Variants in ACKR1 observed in about 807,000 individuals in gnomAD.
The protein encoded by ACKR1 is atypical chemokine receptor 1.
In ACKR1, 3 loss-of-function variants were observed where a neutral mutation model predicts 2.5. That is an observed-to-expected ratio of 1.18 (90% CI 0.54 to 3.06). ACKR1 has a LOEUF of 3.06. Among genes scored for constraint, ACKR1 ranks in the 30% most tolerant of loss-of-function variants. The probability of loss-of-function intolerance (pLI) is 0.03; values close to 1 mark genes in which losing one functional copy is unlikely to be tolerated. For synonymous variants in ACKR1, 208 were observed against 178.2 expected (o/e 1.17, Z -1.33); for missense variants, 438 against 395.2 (o/e 1.11, Z -0.92).
chr1:159,205,870 C>G lies in ACKR1; in HGVS notation c.431C>G (p.Ala144Gly). Residue 144 changes from alanine (A) to glycine (G), a missense_variant, in exon 2 of 2, where the codon GCT becomes GGT. By Grantham distance (60) the Ala-to-Gly change is moderately conservative. Transcript: ENST00000368122. ...TGGTATGGCTCAGCCTTTGCCCAGGCTTTGCTGCTAGGGTGCCATGCCTCC... is the reference window on the plus strand; with the variant it reads ...TGGTATGGCTCAGCCTTTGCCCAGGGTTTGCTGCTAGGGTGCCATGCCTCC... Reference protein sequence around the residue: ...CVWYGSAFAQALLLGCHASLG... With the variant: ...CVWYGSAFAQGLLLGCHASLG... 6.2e-7 allele frequency: 1 copy of G among 1,614,082 alleles called. No homozygotes were observed. Among genetic ancestry groups the G allele is most frequent in the South Asian group, 1.1e-5 (1 of 91,080 alleles).
chr1:159,206,367 C>A lies in ACKR1; in HGVS notation c.928C>A (p.Gln310Lys). The change falls in exon 2 of 2, where the codon CAG becomes AAG. Residue 310 changes from glutamine (Q) to lysine (K), a missense_variant. By Grantham distance (53) the Gln-to-Lys change is moderately conservative (BLOSUM62 1). Transcript: ENST00000368122. ...TPLLLALFCH[Q>K]ATRTLLPSLP... The stretch of plus-strand genomic sequence containing the variant: ...CCTGCTCCTCGCCCTATTCTGCCAC[C>A]AGGCCACCCGCACCCTCTTGCCCTC... 6.2e-7 allele frequency: 1 copy of A among 1,614,252 alleles called. No individual in the cohort carries two copies. The highest frequency in any genetic ancestry group is 8.5e-7 in the Non-Finnish European group (1 of 1,180,044).
rs368447314 is a variant in ACKR1, at chr1:159,205,614, G to A, written c.175G>A (p.Asp59Asn). 21 of 1,614,132 alleles carry A rather than the reference G, an allele frequency of 1.3e-5. No homozygotes were observed. Among genetic ancestry groups the A allele is most frequent in the Non-Finnish European group, 1.6e-5 (19 of 1,180,044 alleles). ...CTGCCACTCCTGTAACCTGCTGGAT[G>A]ACTCTGCACTGCCCTTCTTCATCCT... ...APCHSCNLLD[D>N]SALPFFILTS... Residue 59 changes from aspartate (D) to asparagine (N), a missense_variant, in exon 2 of 2, where the codon GAC (aspartate) becomes AAC (asparagine). By Grantham distance (23) the Asp-to-Asn change is conservative (BLOSUM62 1). Coordinates refer to ENST00000368122, the MANE Select transcript of ACKR1 (RefSeq NM_002036.4).
chr1:159,205,701 T>G lies in ACKR1; in HGVS notation c.262T>G (p.Phe88Val), dbSNP rs1006484993. ...TVLFMLFRPL[F>V]RWQLCPGWPV... ...CCTCTTCATGCTTTTCAGACCTCTC[T>G]TCCGCTGGCAGCTCTGCCCTGGCTG... The change falls in exon 2 of 2, where the codon TTC becomes GTC. Residue 88 changes from phenylalanine (F) to valine (V), a missense_variant. Coordinates refer to ENST00000368122, the MANE Select transcript of ACKR1 (RefSeq NM_002036.4). 1.2e-6 allele frequency: 2 copies of G among 1,614,202 alleles called. No individual in the cohort carries two copies.
Position 159,206,271 on chromosome 1 carries a change from G to A in ACKR1, c.832G>A (p.Ala278Thr), listed in dbSNP as rs200531663. 2.0e-5 allele frequency: 32 copies of A among 1,614,210 alleles called. No individual in the cohort carries two copies. In the African/African-American group the frequency reaches 3.7e-4, roughly 19 times the overall value. The change falls in exon 2 of 2, where the codon GCC becomes ACC. Residue 278 changes from alanine to threonine, a missense_variant. Ala to Thr is a moderately conservative substitution (Grantham distance 58). Transcript: ENST00000368122. The part of the protein sequence containing the change: ...SKLLLLSTCL[A>T]QQALDLLLNL... Reference sequence around the variant, plus strand: ...GCTGTTGCTGTTGTCAACATGTCTGGCCCAGCAGGCTCTGGACCTGCTGCT... The same window carrying A: ...GCTGTTGCTGTTGTCAACATGTCTGACCCAGCAGGCTCTGGACCTGCTGCT...
chr1:159,206,421 C>A lies in ACKR1; in HGVS notation c.982C>A (p.His328Asn). ...GCCCCTCCCTGAAGGATGGTCTTCT[C>A]ATCTGGACACCCTTGGAAGCAAATC... ...SLPLPEGWSS[H>N]LDTLGSKS Residue 328 changes from histidine to asparagine, a missense_variant, in exon 2 of 2, where the codon CAT becomes AAT. By Grantham distance (68) the His-to-Asn change is moderately conservative (BLOSUM62 1). Coordinates refer to ENST00000368122, the MANE Select transcript of ACKR1 (RefSeq NM_002036.4). 6.2e-7 allele frequency: 1 copy of A among 1,613,814 alleles called. No individual in the cohort carries two copies. The highest frequency in any genetic ancestry group is 8.5e-7 in the Non-Finnish European group (1 of 1,179,780).
Position 159,205,867 on chromosome 1 carries a change from A to G in ACKR1, c.428A>G (p.Gln143Arg), listed in dbSNP as rs1351716473. The G allele has an allele frequency of 1.2e-6, 2 of 1,614,050 alleles. No homozygotes were observed. The highest frequency in any genetic ancestry group is 1.7e-6 in the Non-Finnish European group (2 of 1,180,002). Residue 143 changes from glutamine to arginine, a missense_variant, in exon 2 of 2, where the codon CAG (glutamine) becomes CGG (arginine). Gln to Arg is a conservative substitution (Grantham distance 43). Transcript: ENST00000368122. ...GTCTGGTATGGCTCAGCCTTTGCCC[A>G]GGCTTTGCTGCTAGGGTGCCATGCC... ...YCVWYGSAFAQALLLGCHASL... is the reference protein window; with the variant it reads ...YCVWYGSAFARALLLGCHASL...
chr1:159,205,902 C>A lies in ACKR1; in HGVS notation c.463C>A (p.His155Asn). The stretch of plus-strand genomic sequence containing the variant: ...GCTAGGGTGCCATGCCTCCCTGGGC[C>A]ACAGACTGGGTGCAGGCCAGGTCCC... ...LLLGCHASLG[H>N]RLGAGQVPGL... The change falls in exon 2 of 2, where the codon CAC becomes AAC. Residue 155 changes from histidine to asparagine, a missense_variant. Physicochemically the swap from His to Asn is moderately conservative, Grantham distance 68. Coordinates refer to ENST00000368122, the MANE Select transcript of ACKR1 (RefSeq NM_002036.4). 1.9e-6 allele frequency: 3 copies of A among 1,614,052 alleles called. No individual in the cohort carries two copies. The highest frequency in any genetic ancestry group is 2.5e-6 in the Non-Finnish European group (3 of 1,180,002).
intron 1 of ACKR1, 89 bp downstream of exon 1, chr1:159,205,069 T>G: frequency 6.9e-7 from 1 of 1,448,700 alleles, no homozygotes. Flanking sequence ...ATCTCTTCCT[T>G]TTCCTCCTCA....
Position 159,206,473 on chromosome 1 carries a change from G to A in ACKR1, c.*23G>A. ...TAGTTCTCTTCCCACCTGTCAACCTGAATTAAAGTCTACACTGCCTTTGTG... is the reference window on the plus strand; with the variant it reads ...TAGTTCTCTTCCCACCTGTCAACCTAAATTAAAGTCTACACTGCCTTTGTG... On this transcript the variant is annotated 3_prime_UTR_variant, in exon 2 of 2. Coordinates refer to ENST00000368122, the MANE Select transcript of ACKR1 (RefSeq NM_002036.4). 3.1e-6 allele frequency: 5 copies of A among 1,591,718 alleles called. No individual in the cohort carries two copies. The highest frequency in any genetic ancestry group is 4.3e-6 in the Non-Finnish European group (5 of 1,165,980).
chr1:159,205,027 A>C, intron 1 of ACKR1, 47 bp downstream of exon 1: 1 of 1,591,698 alleles, frequency 6.3e-7, no homozygotes, highest in Non-Finnish European at 8.6e-7. Context: ...TATGCCCCTC[A>C]TTTCCCCTGC....
intron 1 of ACKR1, 22 bp from the exon 2 acceptor site, chr1:159,205,439 C>T: frequency 6.3e-7 from 1 of 1,590,092 alleles, no homozygotes; most frequent in African/African-American, 1.3e-5. Flanking sequence ...CTCTGATGGC[C>T]TCCTCTGGGT....
In ACKR1 at chr1:159,206,348, C is replaced by T. The variant is rs1000192024; in HGVS notation, c.909C>T (p.Leu303=). 8 of 1,614,246 alleles carry T rather than the reference C, an allele frequency of 5.0e-6. No homozygotes were observed. Among genetic ancestry groups the T allele is most frequent in the East Asian group, 4.5e-5 (2 of 44,880 alleles). Residue 303 remains leucine, a synonymous_variant, in exon 2 of 2, where the codon CTC becomes CTT. Coordinates refer to ENST00000368122, the MANE Select transcript of ACKR1 (RefSeq NM_002036.4). ...TGCACTGTGTGGCTACGCCCCTGCTCCTCGCCCTATTCTGCCACCAGGCCA... is the reference window on the plus strand; with the variant it reads ...TGCACTGTGTGGCTACGCCCCTGCTTCTCGCCCTATTCTGCCACCAGGCCA... The part of the protein sequence containing the change: ...AILHCVATPL[L]LALFCHQATR...
At position 159,206,386 on chromosome 1, in the gene ACKR1, T is replaced by C; in HGVS notation, c.947T>C (p.Leu316Ser). 3 of 1,614,236 alleles carry C rather than the reference T, an allele frequency of 1.9e-6. No individual in the cohort carries two copies. The highest frequency in any genetic ancestry group is 2.5e-6 in the Non-Finnish European group (3 of 1,180,030). The change falls in exon 2 of 2, where the codon TTG becomes TCG. Residue 316 changes from leucine (L) to serine (S), a missense_variant. Coordinates refer to ENST00000368122, the MANE Select transcript of ACKR1 (RefSeq NM_002036.4). ...TGCCACCAGGCCACCCGCACCCTCT[T>C]GCCCTCTCTGCCCCTCCCTGAAGGA... ...LFCHQATRTL[L>S]PSLPLPEGWS...
rs775982266 is a variant in ACKR1, at chr1:159,206,099, G to T, written c.660G>T (p.Leu220Phe). 4 of 1,614,248 alleles carry T rather than the reference G, an allele frequency of 2.5e-6. No homozygotes were observed. Among genetic ancestry groups the T allele is most frequent in the Non-Finnish European group, 3.4e-6 (4 of 1,180,044 alleles). ...TAGCCTGTCTTGCCATCTTTGTCTT[G>T]TTGCCATTGGGTTTGTTTGGAGCCA... is the stretch of plus-strand genomic sequence containing the variant. ...HTVACLAIFV[L>F]LPLGLFGAKG... is the part of the protein sequence containing the mutation. Residue 220 changes from leucine (L) to phenylalanine (F), a missense_variant, in exon 2 of 2, where the codon TTG becomes TTT. Transcript: ENST00000368122.
chr1:159,205,113 T>C, intron 1 of ACKR1, 133 bp downstream of exon 1: 3 of 1,143,818 alleles, frequency 2.6e-6, no homozygotes, highest in Non-Finnish European at 3.7e-6. Flanking sequence ...TCCTCTTCCT[T>C]CAAAGTCTTT....
chr1:159,206,378 C>T lies in ACKR1; in HGVS notation c.939C>T (p.Arg313=), dbSNP rs748430757. 3.7e-6 allele frequency: 6 copies of T among 1,614,246 alleles called. No individual in the cohort carries two copies. Among genetic ancestry groups the T allele is most frequent in the Admixed American group, 3.3e-5 (2 of 60,030 alleles). The stretch of plus-strand genomic sequence containing the variant: ...CCCTATTCTGCCACCAGGCCACCCG[C>T]ACCCTCTTGCCCTCTCTGCCCCTCC... ...LLALFCHQAT[R]TLLPSLPLPE... is the part of the protein sequence containing the mutation. Residue 313 remains arginine, a synonymous_variant, in exon 2 of 2, where the codon CGC becomes CGT. Coordinates refer to ENST00000368122, the MANE Select transcript of ACKR1 (RefSeq NM_002036.4).
In ACKR1 at chr1:159,205,718, CCCTGGCTGGCCTGT is replaced by C. The variant is rs587776507; in HGVS notation, c.286_299del (p.Trp96ThrfsTer22). ...GACCTCTCTTCCGCTGGCAGCTCTG[CCCTGGCTGGCCTGT>C]CCTGGCACAGCTGGCTGTGGGCAGT... On this transcript the variant is annotated frameshift_variant, in exon 2 of 2. Coordinates refer to ENST00000368122, the MANE Select transcript of ACKR1 (RefSeq NM_002036.4). LOFTEE classifies it low-confidence loss of function (END_TRUNC). The C allele has an allele frequency of 6.2e-7, 1 of 1,614,038 alleles. No homozygotes were observed. Among genetic ancestry groups the C allele is most frequent in the Non-Finnish European group, 8.5e-7 (1 of 1,179,890 alleles).
chr1:159,205,399 C>T (rs1306968524), intron 1 of ACKR1, 62 bp from the exon 2 acceptor site: 5 of 1,559,064 alleles, frequency 3.2e-6, no homozygotes, highest in Non-Finnish European at 4.3e-6. Flanking sequence ...CCACCTGCCC[C>T]TCAATTCCCA....
chr1:159,205,097 CT>C, intron 1 of ACKR1, 117 bp downstream of exon 1: 7 of 1,229,008 alleles, frequency 5.7e-6, no homozygotes, highest in South Asian at 1.5e-5. Flanking sequence ...TCCCTTCCTG[CT>C]TTTTTCCTCT....
Sources: allele counts gnomAD v4.1 joint callset, GRCh38; gene constraint gnomAD v4.1.1; transcripts MANE v1.5; gene names NCBI Gene and HGNC (gene_info 2026-07-23, HGNC 2026-07-21).